Variants in N4BP2L1 observed in about 807,000 individuals in gnomAD.
N4BP2L1 encodes the protein NEDD4-binding protein 2-like 1.
N4BP2L1 carries 12 observed loss-of-function variants against 21.2 expected under a neutral mutation model. That is an observed-to-expected ratio of 0.57 (90% CI 0.36 to 0.92). The LOEUF (loss-of-function observed/expected upper bound fraction) is 0.92. Among genes scored for constraint, N4BP2L1 ranks in the 40% least tolerant of loss-of-function variants. The pLI, the probability that N4BP2L1 is intolerant of heterozygous loss-of-function variation, is 0.01. For missense variants in N4BP2L1, 259 were observed against 310.6 expected (o/e 0.83, Z 1.25); for synonymous variants, 104 against 112.8 (o/e 0.92, Z 0.49).
chr13:32,410,169 G>C (rs961412763), intron 1 of N4BP2L1, among the ~76,000 whole-genome samples: 5 of 152,230 alleles, frequency 3.3e-5, no homozygotes, highest in African/African-American at 1.2e-4. Context: ...GGCCTTGCCC[G>C]GGGTCCCTGC....
chr13:32,405,379 ACACGCCTGT>A (rs746297531), intron 3 of N4BP2L1, among the ~76,000 whole-genome samples: 1 of 152,096 alleles, frequency 6.6e-6, no homozygotes, highest in Non-Finnish European at 1.5e-5. Context: ...GCGTGGTGGT[ACACGCCTGT>A]AATCCCAGCT....
intron 1 of N4BP2L1, among the ~76,000 whole-genome samples, chr13:32,421,510 A>ATT (rs1226495975): frequency 2.0e-5 from 3 of 152,212 alleles, no homozygotes; most frequent in Non-Finnish European, 4.4e-5. Context: ...CACTTGGTGT[A>ATT]TTATGAAATC....
At chr13:32,412,362 C>T (rs958928193) in intron 1 of N4BP2L1, among the ~76,000 whole-genome samples, 1 of 152,064 alleles carries the variant, frequency 6.6e-6, no homozygotes, top group Admixed American at 6.5e-5. Flanking sequence ...CGCGGTGGCT[C>T]ACATTTGTAA....
intron 4 of N4BP2L1, 79 bp from the exon 5 acceptor site, chr13:32,403,279 G>A (rs2073262531): frequency 1.5e-6 from 2 of 1,378,978 alleles, no homozygotes; most frequent in Non-Finnish European, 2.0e-6. Flanking sequence ...CTCTAGTATT[G>A]CAGATATTGC....
At chr13:32,427,388 A>C (rs916193099) in intron 1 of N4BP2L1, among the ~76,000 whole-genome samples, 7 of 152,150 alleles carry the variant, frequency 4.6e-5, no homozygotes, top group Non-Finnish European at 1.0e-4. Flanking sequence ...CGCTCGGATT[A>C]CAGCGCCTGT....
chr13:32,428,786 G>GT (rs2074924577), upstream of N4BP2L1, among the ~76,000 whole-genome samples: 1 of 152,256 alleles, frequency 6.6e-6, no homozygotes, highest in Non-Finnish European at 1.5e-5. Flanking sequence ...TACCTGCCCT[G>GT]TTGCCGCCTG....
intron 1 of N4BP2L1, among the ~76,000 whole-genome samples, chr13:32,421,213 A>G (rs1399918164): frequency 6.6e-6 from 1 of 152,250 alleles, no homozygotes; most frequent in Non-Finnish European, 1.5e-5. Flanking sequence ...CATGGAATTT[A>G]CATCATATCT....
Position 32,403,085 on chromosome 13 carries a change from T to A in N4BP2L1, c.589A>T (p.Asn197Tyr). 6.2e-7 allele frequency: 1 copy of A among 1,614,168 alleles called. No individual in the cohort carries two copies. Among genetic ancestry groups the A allele is most frequent in the Non-Finnish European group, 8.5e-7 (1 of 1,180,022 alleles). Residue 197 changes from asparagine to tyrosine, a missense_variant, in exon 5 of 5, where the codon AAC becomes TAC. Physicochemically the swap from Asn to Tyr is moderately radical, Grantham distance 143. Around this residue, in one of 3 missense-constraint regions of N4BP2L1, gnomAD observed 108 missense variants for 107.8 expected, o/e 1.00. Transcript: ENST00000380130. ...HAEKPSRMNR[N>Y]QDRNNALPSN... ...GGCAATGCATTATTCCTGTCCTGGT[T>A]TCTGTTCATTCTGCTTGGCTTTTCT...
Position 32,414,869 on chromosome 13 carries a change from A to C in N4BP2L1, c.180-7097T>G, listed in dbSNP as rs1593272673. 7.2e-5 allele frequency among the ~76,000 whole-genome samples: 11 copies of C among 152,330 alleles called. 1 individual carries two copies. In the South Asian group the frequency reaches 2.3e-3, roughly 32 times the overall value. ...TTCACTCAGGGCACATGGGTATTAC[A>C]GACTCTGTGAGCTCTTGCAGATCTG... On this transcript the variant is annotated intron_variant, in intron 1 of 4. Coordinates refer to ENST00000380130, the MANE Select transcript of N4BP2L1 (RefSeq NM_052818.3).
chr13:32,409,063 A>T (rs780914197), intron 1 of N4BP2L1, among the ~76,000 whole-genome samples: 1 of 152,248 alleles, frequency 6.6e-6, no homozygotes, highest in Non-Finnish European at 1.5e-5. Context: ...AAATGGTGTT[A>T]TAATAACAAT....
At chr13:32,428,652 T>C (rs2074921566), upstream of N4BP2L1, among the ~76,000 whole-genome samples, 1 of 152,248 alleles carries the variant, frequency 6.6e-6, no homozygotes, top group Admixed American at 6.5e-5. Flanking sequence ...TTTAGCAGCC[T>C]GCCAAAAATA....
intron 1 of N4BP2L1, among the ~76,000 whole-genome samples, chr13:32,426,523 A>G (rs1314843702): frequency 6.6e-6 from 1 of 152,106 alleles, no homozygotes; most frequent in Non-Finnish European, 1.5e-5. Flanking sequence ...AATTTGTGAA[A>G]ATGTAGCAAT....
intron 4 of N4BP2L1, chr13:32,404,071 G>C: frequency 8.0e-7 from 1 of 1,253,914 alleles, no homozygotes; most frequent in South Asian, 1.5e-5. Flanking sequence ...CATTTTAGCA[G>C]AATGTTAAAT....
At chr13:32,415,227 A>G (rs2074066983) in intron 1 of N4BP2L1, among the ~76,000 whole-genome samples, 1 of 152,178 alleles carries the variant, frequency 6.6e-6, no homozygotes, top group Non-Finnish European at 1.5e-5. Flanking sequence ...CTGCAGGGCC[A>G]GGCTGCACCT....
chr13:32,406,192 A>G (rs2073490447), intron 3 of N4BP2L1, among the ~76,000 whole-genome samples: 1 of 151,518 alleles, frequency 6.6e-6, no homozygotes, highest in Non-Finnish European at 1.5e-5. Flanking sequence ...TACAGGCATG[A>G]GCCACCGCAC....
intron 1 of N4BP2L1, among the ~76,000 whole-genome samples, chr13:32,413,835 G>A (rs979696384): frequency 2.7e-5 from 4 of 148,990 alleles, no homozygotes; most frequent in Non-Finnish European, 5.9e-5. Flanking sequence ...CTTGTTACAT[G>A]AAGAGGAACA....
chr13:32,402,931 A>G lies in N4BP2L1; in HGVS notation c.*11T>C. On this transcript the variant is annotated 3_prime_UTR_variant, in exon 5 of 5. Transcript: ENST00000380130. ...ACTTAGGAAAATTCTGCCTGGCTGTAAGATAGGCCTCTAATATCCATGGTG... is the reference window on the plus strand; with the variant it reads ...ACTTAGGAAAATTCTGCCTGGCTGTGAGATAGGCCTCTAATATCCATGGTG... 1 of 1,558,448 alleles carries G rather than the reference A, an allele frequency of 6.4e-7. No individual in the cohort carries two copies. Among genetic ancestry groups the G allele is most frequent in the Non-Finnish European group, 8.7e-7 (1 of 1,150,414 alleles).
chr13:32,415,502 T>C (rs2074087223), intron 1 of N4BP2L1, among the ~76,000 whole-genome samples: 3 of 152,250 alleles, frequency 2.0e-5, no homozygotes, highest in Admixed American at 6.5e-5. Context: ...ATATTTATTT[T>C]CACATTTGTC....
chr13:32,427,061 G>A (rs973800792), intron 1 of N4BP2L1, among the ~76,000 whole-genome samples: 2 of 152,216 alleles, frequency 1.3e-5, no homozygotes, highest in African/African-American at 4.8e-5. Context: ...GGGAGCGGTG[G>A]GAGTTCAGGC....
Sources: gnomAD v4.1 joint callset for allele counts (sites outside exome capture counted in the v4.1 genomes callset) on GRCh38, gnomAD v4.1.1 for gene constraint, gnomAD v4.1.1 regional missense constraint, MANE v1.5 for transcripts, NCBI Gene and HGNC (gene_info 2026-07-23, HGNC 2026-07-21) for gene names.